The following BCL2L11 variants were observed in gnomAD, a reference collection of about 807,000 sequenced individuals.
The protein encoded by BCL2L11 is bcl-2-like protein 11.
A neutral mutation model predicts 20.6 loss-of-function variants in BCL2L11; 15 were observed. The ratio of observed to expected loss-of-function variants is 0.73; its 90% CI spans 0.49 to 1.12. BCL2L11 has a LOEUF of 1.12. Among genes scored for constraint, BCL2L11 ranks in the 50% most tolerant of loss-of-function variants. BCL2L11 has a pLI of 0.00. For synonymous variants in BCL2L11, 108 were observed against 92.8 expected, an observed-to-expected ratio of 1.16 and a Z score of -0.94; for missense variants, 292 against 260.9, an observed-to-expected ratio of 1.12 and a Z score of -0.82.
Position 111,123,750 on chromosome 2 carries a change from C to A in BCL2L11, c.5C>A (p.Ala2Glu). ...ACTTGCAGAAAAAAAGACCAAATGG[C>A]AAAGCAACCTTCTGATGTAAGTTCT... Reference protein sequence around the residue: MAKQPSDVSSEC... With the variant: MEKQPSDVSSEC... The change falls in exon 2 of 4, where the codon GCA (alanine) becomes GAA (glutamate). Residue 2 changes from alanine (A) to glutamate (E), a missense_variant. Coordinates refer to ENST00000393256, the MANE Select transcript of BCL2L11 (RefSeq NM_138621.5). The A allele has an allele frequency of 7.2e-7, 1 of 1,386,290 alleles. No homozygotes were observed. The highest frequency in any genetic ancestry group is 9.4e-7 in the Non-Finnish European group (1 of 1,063,078). The allele number at this position is 1,386,290 out of a possible 1,614,324, so 85.9% of individuals were successfully genotyped here. A position where few individuals can be genotyped will look rare whatever the true frequency, so the allele number is the denominator to read the frequency against.
rs150050187 is a variant in BCL2L11 at position 111,129,158 on chromosome 2, T to G, written c.394+5019T>G. ...GCAAATACAGTTTTGTTTTACCTCTTTAAATTCCATGGTATATTCGGACTT... is the reference window on the plus strand; with the variant it reads ...GCAAATACAGTTTTGTTTTACCTCTGTAAATTCCATGGTATATTCGGACTT... On this transcript the variant is annotated intron_variant, in intron 2 of 3. Coordinates refer to ENST00000393256, the MANE Select transcript of BCL2L11 (RefSeq NM_138621.5). Among the ~76,000 whole-genome samples the G allele has an allele frequency of 1.3e-3, 201 of 152,368 alleles. 3 individuals carry two copies. Among genetic ancestry groups the G allele is most frequent in the African/African-American group, 4.6e-3 (191 of 41,588 alleles).
intron 3 of BCL2L11, chr2:111,153,759 G>C (rs2077507682): frequency 6.4e-7 from 1 of 1,552,076 alleles, no homozygotes; most frequent in Non-Finnish European, 8.7e-7. Context: ...AGCCTGACAG[G>C]ATATTTTCCC....
intron 2 of BCL2L11, among the ~76,000 whole-genome samples, chr2:111,147,404 C>T (rs1213608343): frequency 6.7e-6 from 1 of 149,492 alleles, no homozygotes; most frequent in Non-Finnish European, 1.5e-5. Context: ...GCCATTTCTC[C>T]CTGCCAGAGC....
chr2:111,123,674 GTTTA>G, intron 1 of BCL2L11, 55 bp from the exon 2 acceptor site: 15 of 1,355,702 alleles, frequency 1.1e-5, no homozygotes, highest in Non-Finnish European at 1.4e-5. Context: ...GAGCTAATTT[GTTTA>G]TTCATCGATT....
At chr2:111,142,970 A>AT (rs1217265659) in intron 2 of BCL2L11, among the ~76,000 whole-genome samples, 6 of 152,152 alleles carry the variant, frequency 3.9e-5, no homozygotes, top group African/African-American at 1.4e-4. Context: ...TCTCTAAAGC[A>AT]TTTTTCTTCT....
At chr2:111,123,111 C>T (rs1032284813) in intron 1 of BCL2L11, 3 of 980,872 alleles carry the variant, frequency 3.1e-6, no homozygotes, top group East Asian at 1.1e-4. Flanking sequence ...GAAGTTCTGT[C>T]TGATTCGGTG....
chr2:111,142,515 T>G (rs2075982968), intron 2 of BCL2L11: 5 of 749,682 alleles, frequency 6.7e-6, no homozygotes, highest in Non-Finnish European at 8.9e-6. Context: ...CATATCTGTG[T>G]TAAATTGTAC....
chr2:111,149,899 A>G (rs1275863585), intron 2 of BCL2L11, 145 bp from the exon 3 acceptor site: 2 of 601,766 alleles, frequency 3.3e-6, no homozygotes, highest in Non-Finnish European at 5.8e-6. Flanking sequence ...TCTTTAGTAC[A>G]TGGCTGTAGT....
intron 2 of BCL2L11, among the ~76,000 whole-genome samples, chr2:111,125,890 C>CA (rs2072472652): frequency 6.6e-6 from 1 of 152,126 alleles, no homozygotes; most frequent in South Asian, 2.1e-4. Context: ...TTGTTGTACT[C>CA]ATGAAAATGC....
chr2:111,142,928 G>GT (rs1247274958), intron 2 of BCL2L11, among the ~76,000 whole-genome samples: 2 of 152,158 alleles, frequency 1.3e-5, no homozygotes, highest in East Asian at 3.8e-4. Flanking sequence ...GTGAACCAAT[G>GT]TATATAGAGT....
chr2:111,123,769 A>G lies in BCL2L11; in HGVS notation c.24A>G (p.Val8=). 1.4e-6 allele frequency: 2 copies of G among 1,400,686 alleles called. No homozygotes were observed. Among genetic ancestry groups the G allele is most frequent in the Non-Finnish European group, 1.9e-6 (2 of 1,070,450 alleles). The allele number at this position is 1,400,686 out of a possible 1,614,324, so 86.8% of individuals were successfully genotyped here. The change falls in exon 2 of 4, where the codon GTA becomes GTG. Residue 8 remains valine (V), a synonymous_variant. Transcript: ENST00000393256. Reference sequence around the variant, plus strand: ...AAATGGCAAAGCAACCTTCTGATGTAAGTTCTGAGTGTGACCGAGAAGGTA... The same window carrying G: ...AAATGGCAAAGCAACCTTCTGATGTGAGTTCTGAGTGTGACCGAGAAGGTA... MAKQPSD[V]SSECDREGRQ...
At chr2:111,154,087 A>G (rs975006982) in intron 3 of BCL2L11, among the ~76,000 whole-genome samples, 1 of 152,232 alleles carries the variant, frequency 6.6e-6, no homozygotes, top group South Asian at 2.1e-4. Context: ...AGAATGACAC[A>G]AAGAACCACC....
intron 2 of BCL2L11, among the ~76,000 whole-genome samples, chr2:111,133,679 G>C (rs1367698168): frequency 1.3e-5 from 2 of 152,258 alleles, no homozygotes; most frequent in East Asian, 1.9e-4. Flanking sequence ...TTGGGTACTT[G>C]AAAACATCTG....
At chr2:111,148,544 G>A (rs2150484189) in intron 2 of BCL2L11, among the ~76,000 whole-genome samples, 1 of 152,302 alleles carries the variant, frequency 6.6e-6, no homozygotes, top group Middle Eastern at 3.4e-3. Context: ...GTGTGACACA[G>A]GTACAATCAA....
chr2:111,147,211 A>G (rs1245012325), intron 2 of BCL2L11, among the ~76,000 whole-genome samples: 3 of 152,144 alleles, frequency 2.0e-5, no homozygotes. Context: ...TGCTAAAGAC[A>G]CATCTCAGGG....
At chr2:111,158,832 C>T (rs887663093) in intron 3 of BCL2L11, among the ~76,000 whole-genome samples, 21 of 152,222 alleles carry the variant, frequency 1.4e-4, no homozygotes, top group African/African-American at 4.8e-4. Context: ...CCCCTGGTTC[C>T]CAGGATAACT....
intron 2 of BCL2L11, chr2:111,130,095 GTACTTT>G (rs1249295258): frequency 5.0e-6 from 2 of 397,112 alleles, no homozygotes; most frequent in African/African-American, 2.2e-5. Flanking sequence ...AGTATTTATT[GTACTTT>G]TACTTCTCTT....
At chr2:111,126,788 A>G (rs781717896) in intron 2 of BCL2L11, among the ~76,000 whole-genome samples, 2 of 152,196 alleles carry the variant, frequency 1.3e-5, no homozygotes, top group African/African-American at 2.4e-5. Flanking sequence ...CAAAGAAGTC[A>G]TTATGATTGG....
In BCL2L11 at chr2:111,145,849, G is replaced by C. The variant is rs978985977; in HGVS notation, c.395-4195G>C. On this transcript the variant is annotated intron_variant, in intron 2 of 3. Transcript: ENST00000393256. ...GATTTCTAAGAAGTTTGAAGATTCA[G>C]TGGACACACTTTTGGCAAAAATTGC... is the stretch of plus-strand genomic sequence containing the variant. 1.2e-5 allele frequency: 5 copies of C among 418,144 alleles called. No homozygotes were observed. The Admixed American group carries it at 3.2e-4, about 27-fold the overall frequency. 25.9% of individuals were successfully genotyped at this position (418,144 alleles called of 1,614,324 possible).
Sources: allele counts gnomAD v4.1 joint callset (sites outside exome capture counted in the v4.1 genomes callset), GRCh38; gene constraint gnomAD v4.1.1; transcripts MANE v1.5; gene names NCBI Gene and HGNC (gene_info 2026-07-23, HGNC 2026-07-21).